AGBL4: variants seen among roughly 807,000 people sequenced by gnomAD.
AGBL4 encodes cytosolic carboxypeptidase 6.
A neutral mutation model predicts 66.4 loss-of-function variants in AGBL4; 58 were observed. The ratio of observed to expected loss-of-function variants is 0.87; its 90% confidence interval spans 0.71 to 1.09. AGBL4 has a LOEUF of 1.09. AGBL4 is among the 50% of genes least tolerant of loss of function. The pLI, the probability that AGBL4 is intolerant of heterozygous loss-of-function variation, is 0.00. For missense variants in AGBL4, 579 were observed against 631.0 expected (o/e 0.92, Z 0.88); for synonymous variants, 234 against 222.9 (o/e 1.05, Z -0.44).
chr1:48,705,179 A>T (rs1437723345), intron 6 of AGBL4, among the ~76,000 whole-genome samples: 2 of 152,232 alleles, frequency 1.3e-5, no homozygotes, highest in East Asian at 3.8e-4. Flanking sequence ...GAATTTACAA[A>T]GAGTACTTTA....
chr1:48,661,621 A>G (rs1646108904), intron 7 of AGBL4, among the ~76,000 whole-genome samples: 1 of 152,204 alleles, frequency 6.6e-6, no homozygotes, highest in East Asian at 1.9e-4. Context: ...TTTTAGTAAC[A>G]GGGTCTTCAG....
At chr1:49,313,025 GC>G (rs1491209466) in intron 3 of AGBL4, among the ~76,000 whole-genome samples, 1 of 151,404 alleles carries the variant, frequency 6.6e-6, no homozygotes, top group African/African-American at 2.4e-5. Context: ...CCCTCCTCTA[GC>G]CCCCCAACCC....
chr1:48,830,136 C>G (rs1237554853), intron 6 of AGBL4, among the ~76,000 whole-genome samples: 1 of 152,150 alleles, frequency 6.6e-6, no homozygotes, highest in Non-Finnish European at 1.5e-5. Flanking sequence ...GATTCAAATT[C>G]CATCTATACT....
At chr1:49,444,991 G>A (rs1473127005) in intron 3 of AGBL4, among the ~76,000 whole-genome samples, 1 of 151,404 alleles carries the variant, frequency 6.6e-6, no homozygotes, top group Non-Finnish European at 1.5e-5. Flanking sequence ...GATGGCAAAA[G>A]TAGTCCCTTC....
chr1:49,030,385 T>G (rs1664111553), intron 5 of AGBL4, among the ~76,000 whole-genome samples: 1 of 152,114 alleles, frequency 6.6e-6, no homozygotes, highest in Non-Finnish European at 1.5e-5. Context: ...GCAACTTGAT[T>G]TTGGACTTTT....
chr1:49,812,787 C>T (rs1043198535), intron 2 of AGBL4, among the ~76,000 whole-genome samples: 1 of 152,136 alleles, frequency 6.6e-6, no homozygotes, highest in Non-Finnish European at 1.5e-5. Context: ...ACATTTACTG[C>T]AGAACTACTA....
intron 4 of AGBL4, among the ~76,000 whole-genome samples, chr1:49,207,594 C>CTTTCTTTCTTTCT (rs1648329801): frequency 9.4e-6 from 1 of 106,124 alleles, no homozygotes; most frequent in African/African-American, 3.9e-5. Context: ...TTCTTTCTTT[C>CTTTCTTTCTTTCT]TTTCTTTCTT....
At chr1:49,078,880 G>T (rs1035634215) in intron 4 of AGBL4, among the ~76,000 whole-genome samples, 8 of 152,130 alleles carry the variant, frequency 5.3e-5, no homozygotes, top group Non-Finnish European at 1.2e-4. Flanking sequence ...TTTGCTTGTT[G>T]TACATCTTCT....
chr1:49,231,051 C>T lies in AGBL4; in HGVS notation c.377+14719G>A, dbSNP rs1383752693. On this transcript the variant is annotated intron_variant, in intron 4 of 13. Transcript: ENST00000371839. ...ATAGATTGGCCTTAGGTTCTGGAGA[C>T]TATGTAGGGTTTTATGAAAAATTAG... is the stretch of plus-strand genomic sequence containing the variant. Among the ~76,000 whole-genome samples the T allele has an allele frequency of 2.0e-5, 3 of 152,102 alleles. No individual in the cohort carries two copies. In the East Asian group the frequency reaches 5.8e-4, roughly 29 times the overall value.
intron 3 of AGBL4, among the ~76,000 whole-genome samples, chr1:49,597,415 C>G (rs1000415904): frequency 1.3e-5 from 2 of 152,138 alleles, no homozygotes; most frequent in African/African-American, 4.8e-5. Flanking sequence ...TTTGGGGGAT[C>G]AAGGAATGCT....
intron 3 of AGBL4, among the ~76,000 whole-genome samples, chr1:49,545,584 G>C (rs1652408510): frequency 6.6e-6 from 1 of 152,168 alleles, no homozygotes; most frequent in South Asian, 2.1e-4. Context: ...GTGAGAGAGT[G>C]AGCTGGAATT....
At chr1:48,602,866 C>T (rs1645094604) in intron 9 of AGBL4, among the ~76,000 whole-genome samples, 1 of 152,260 alleles carries the variant, frequency 6.6e-6, no homozygotes, top group East Asian at 1.9e-4. Flanking sequence ...TCCCCCTTTC[C>T]CACCTCTCTC....
At chr1:48,949,625 G>T (rs1181760434) in intron 5 of AGBL4, among the ~76,000 whole-genome samples, 1 of 152,160 alleles carries the variant, frequency 6.6e-6, no homozygotes, top group Non-Finnish European at 1.5e-5. Context: ...CAGCTTAGGG[G>T]AGTGCCAGGC....
At chr1:49,211,271 A>T (rs79688166) in intron 4 of AGBL4, among the ~76,000 whole-genome samples, 2 of 152,088 alleles carry the variant, frequency 1.3e-5, no homozygotes, top group East Asian at 3.9e-4. Context: ...CATGCAGTTG[A>T]TTTAGAAAGA....
chr1:49,843,765 C>CT (rs1013681664), intron 2 of AGBL4, among the ~76,000 whole-genome samples: 4 of 152,008 alleles, frequency 2.6e-5, no homozygotes, highest in African/African-American at 9.7e-5. Context: ...CCTGGCTTAC[C>CT]TTTTTTTTAA....
At chr1:49,026,230 G>C (rs1663675804) in intron 5 of AGBL4, among the ~76,000 whole-genome samples, 1 of 152,152 alleles carries the variant, frequency 6.6e-6, no homozygotes, top group African/African-American at 2.4e-5. Flanking sequence ...CCTAGAAGAA[G>C]AAAGGGAGAA....
At chr1:49,692,498 C>G (rs1259126011) in intron 3 of AGBL4, among the ~76,000 whole-genome samples, 1 of 152,042 alleles carries the variant, frequency 6.6e-6, no homozygotes, top group Non-Finnish European at 1.5e-5. Flanking sequence ...GCGGGTGGAT[C>G]ACGAGGTCAG....
intron 5 of AGBL4, among the ~76,000 whole-genome samples, chr1:48,957,149 T>C (rs1384652374): frequency 6.6e-6 from 1 of 152,164 alleles, no homozygotes; most frequent in African/African-American, 2.4e-5. Context: ...ATCATTCCCA[T>C]ACATTTTTTG....
chr1:49,645,086 T>TA (rs990542864), intron 3 of AGBL4, among the ~76,000 whole-genome samples: 1 of 151,232 alleles, frequency 6.6e-6, no homozygotes, highest in Non-Finnish European at 1.5e-5. Flanking sequence ...TAAACAGAAA[T>TA]AAAAAATAGA....
Sources: gnomAD v4.1 joint callset for allele counts (sites outside exome capture counted in the v4.1 genomes callset) on GRCh38, gnomAD v4.1.1 for gene constraint, MANE v1.5 for transcripts, NCBI Gene and HGNC (gene_info 2026-07-23, HGNC 2026-07-21) for gene names.